Variants in NKAIN1 observed in about 807,000 individuals in gnomAD.
The protein encoded by NKAIN1 is sodium/potassium-transporting ATPase subunit beta-1-interacting protein 1.
Under a neutral mutation model 31.6 loss-of-function variants are expected in NKAIN1, and 13 were observed. That is an observed-to-expected ratio of 0.41 (90% confidence interval 0.27 to 0.65). The LOEUF is 0.65. Among genes scored for constraint, NKAIN1 ranks in the 30% least tolerant of loss-of-function variants. NKAIN1 has a pLI of 0.30. For missense variants in NKAIN1, 193 were observed against 262.2 expected, an observed-to-expected ratio of 0.74 and a Z score of 1.82; for synonymous variants, 104 against 109.0, an observed-to-expected ratio of 0.95 and a Z score of 0.28.
At chr1:31,231,437 G>A (rs1468123743) in intron 1 of NKAIN1, among the ~76,000 whole-genome samples, 1 of 150,750 alleles carries the variant, frequency 6.6e-6, no homozygotes, top group Non-Finnish European at 1.5e-5. Context: ...GCCTCCCAAA[G>A]TGCTGGGATT....
Position 31,233,801 on chromosome 1 carries a change from C to A in NKAIN1, c.54+5693G>T, listed in dbSNP as rs991288757. 4.6e-5 allele frequency among the ~76,000 whole-genome samples: 7 copies of A among 152,166 alleles called. No homozygotes were observed. The highest frequency in any genetic ancestry group is 2.9e-5 in the Non-Finnish European group (2 of 68,038). ...ACTTGGCTATCCCGGCATCAACTTG[C>A]GAATTCCCCAAACTGCCATGGGCTC... is the stretch of plus-strand genomic sequence containing the variant. On this transcript the variant is annotated intron_variant, in intron 1 of 6. Transcript: ENST00000373736. The surrounding 1 kb of genome is among the most constrained non-coding windows in gnomAD (Gnocchi z 4.0).
At chr1:31,224,179 T>G (rs184413598) in intron 1 of NKAIN1, among the ~76,000 whole-genome samples, 13 of 152,292 alleles carry the variant, frequency 8.5e-5, no homozygotes, top group African/African-American at 3.1e-4. Context: ...CATCCCCCCA[T>G]GCCCCAGCAG....
chr1:31,199,752 A>G (rs1645362530), intron 1 of NKAIN1, among the ~76,000 whole-genome samples: 1 of 152,196 alleles, frequency 6.6e-6, no homozygotes, highest in African/African-American at 2.4e-5. Context: ...GACCCTGCCA[A>G]AGAAGATGGG....
rs1645275620 is a variant in NKAIN1, at chr1:31,190,319, G to A, written c.55-2132C>T. Among the ~76,000 whole-genome samples the A allele has an allele frequency of 2.6e-5, 4 of 152,312 alleles. No individual in the cohort carries two copies. In the South Asian group the frequency reaches 8.3e-4, roughly 32 times the overall value. ...GCATTTACCCACTTGGCACCAGCCT[G>A]CCTCTTGTCGGTGACTCCCCTCCCA... On this transcript the variant is annotated intron_variant, in intron 1 of 6. Transcript: ENST00000373736.
At chr1:31,220,891 G>A (rs1313378580) in intron 1 of NKAIN1, among the ~76,000 whole-genome samples, 1 of 152,118 alleles carries the variant, frequency 6.6e-6, no homozygotes, top group South Asian at 2.1e-4. Flanking sequence ...CATTCACTGA[G>A]TTCCTTCTGA....
chr1:31,191,599 C>A (rs1467352424), intron 1 of NKAIN1, among the ~76,000 whole-genome samples: 2 of 151,936 alleles, frequency 1.3e-5, no homozygotes, highest in Non-Finnish European at 2.9e-5. Flanking sequence ...AACTAACAGA[C>A]AATTAGACTT....
intron 1 of NKAIN1, among the ~76,000 whole-genome samples, chr1:31,207,676 G>A (rs1462758333): frequency 6.6e-6 from 1 of 152,054 alleles, no homozygotes; most frequent in Non-Finnish European, 1.5e-5. Flanking sequence ...CCCCTGCCCT[G>A]GCCACGAGCT....
At chr1:31,190,850 G>A (rs1196551576) in intron 1 of NKAIN1, among the ~76,000 whole-genome samples, 1 of 152,130 alleles carries the variant, frequency 6.6e-6, no homozygotes, top group Non-Finnish European at 1.5e-5. Flanking sequence ...CCTGGCCTTG[G>A]GAGCCTTGGT....
Position 31,218,016 on chromosome 1 carries a change from T to TTTTCTTTCTTTCTTTCTTTCTTTC in NKAIN1, c.54+21454_54+21477dup, listed in dbSNP as rs1553163596. On this transcript the variant is annotated intron_variant, in intron 1 of 6. Coordinates refer to ENST00000373736, the MANE Select transcript of NKAIN1 (RefSeq NM_024522.3). Reference sequence around the variant, plus strand: ...TTGGCCATAATCACAGCAGCTACCATTTTCTTTCTTTCTTTCTTTCTTTCT... The same window carrying TTTTCTTTCTTTCTTTCTTTCTTTC: ...TTGGCCATAATCACAGCAGCTACCATTTTCTTTCTTTCTTTCTTTCTTTCTTTCTTTCTTTCTTTCTTTCTTTCT... Among the ~76,000 whole-genome samples, 797 of 108,164 alleles carry TTTTCTTTCTTTCTTTCTTTCTTTC rather than the reference T, an allele frequency of 7.4e-3. 15 individuals are homozygous for TTTTCTTTCTTTCTTTCTTTCTTTC. The highest frequency in any genetic ancestry group is 0.011 in the Non-Finnish European group (598 of 56,040). The allele number at this position is 108,164 out of a possible 152,430, so 71.0% of individuals were successfully genotyped here.
chr1:31,202,466 A>T (rs531633054), intron 1 of NKAIN1, among the ~76,000 whole-genome samples: 34 of 152,000 alleles, frequency 2.2e-4, no homozygotes, highest in African/African-American at 8.2e-4. Context: ...TCACGAGGTC[A>T]GGAGATCGAG....
chr1:31,210,375 G>C (rs1047368712), intron 1 of NKAIN1, among the ~76,000 whole-genome samples: 1 of 149,884 alleles, frequency 6.7e-6, no homozygotes, highest in Non-Finnish European at 1.5e-5. Context: ...TGCAACCTCC[G>C]TCTCCTGGGT....
At chr1:31,207,967 A>C (rs1392317712) in intron 1 of NKAIN1, among the ~76,000 whole-genome samples, 1 of 152,052 alleles carries the variant, frequency 6.6e-6, no homozygotes, top group Non-Finnish European at 1.5e-5. Flanking sequence ...CAGGCTCTAG[A>C]GCCTGTCTGC....
chr1:31,188,264 G>A, intron 1 of NKAIN1, 77 bp from the exon 2 acceptor site: 1 of 1,489,676 alleles, frequency 6.7e-7, no homozygotes. Flanking sequence ...ACCTTGGGGA[G>A]CAGGTGGCAC....
chr1:31,203,635 A>G (rs1645401767), intron 1 of NKAIN1, among the ~76,000 whole-genome samples: 1 of 143,200 alleles, frequency 7.0e-6, no homozygotes, highest in Non-Finnish European at 1.5e-5. Flanking sequence ...CCCAGGCTGG[A>G]GTGCAGTGGC....
In NKAIN1 at chr1:31,188,188, C is replaced by A; in HGVS notation, c.55-1G>T. ...AGATCTGCCGCTCCAGCGCAGCCAC[C>A]TGTGGAAGAGACAGGCTGAGGCCAC... is the stretch of plus-strand genomic sequence containing the variant. On this transcript the variant is annotated splice_acceptor_variant, in intron 1 of 6. Coordinates refer to ENST00000373736, the MANE Select transcript of NKAIN1 (RefSeq NM_024522.3). LOFTEE classifies it high-confidence loss of function. 1 of 1,551,342 alleles carries A rather than the reference C, an allele frequency of 6.4e-7. No homozygotes were observed. The highest frequency in any genetic ancestry group is 8.7e-7 in the Non-Finnish European group (1 of 1,146,730).
chr1:31,186,138 A>ATT (rs1195150831), intron 2 of NKAIN1, among the ~76,000 whole-genome samples: 3 of 151,868 alleles, frequency 2.0e-5, no homozygotes, highest in Non-Finnish European at 2.9e-5. Context: ...CAAGGTGGGC[A>ATT]GATCACCTGA....
intron 1 of NKAIN1, among the ~76,000 whole-genome samples, chr1:31,201,587 T>C (rs1645380579): frequency 6.6e-6 from 1 of 152,078 alleles, no homozygotes; most frequent in Admixed American, 6.5e-5. Flanking sequence ...GGTCTCGATC[T>C]CCTGACCTCG....
intron 1 of NKAIN1, among the ~76,000 whole-genome samples, chr1:31,228,855 C>G (rs920434231): frequency 6.6e-6 from 1 of 152,092 alleles, no homozygotes; most frequent in Non-Finnish European, 1.5e-5. Context: ...CTCAGCCTCC[C>G]AAAGTGCTGG....
chr1:31,232,424 T>TATATATATATATATAGAG lies in NKAIN1; in HGVS notation c.54+7069_54+7070insCTCTATATATATATATAT, dbSNP rs1313157898. 3.5e-4 allele frequency among the ~76,000 whole-genome samples: 6 copies of TATATATATATATATAGAG among 16,922 alleles called. 1 individual carries two copies. Among genetic ancestry groups the TATATATATATATATAGAG allele is most frequent in the Admixed American group, 2.2e-3 (2 of 900 alleles). The allele number at this position is 16,922 out of a possible 152,430, so 11.1% of individuals were successfully genotyped here. A position where few individuals can be genotyped will look rare whatever the true frequency, so the allele number is the denominator to read the frequency against. On this transcript the variant is annotated intron_variant, in intron 1 of 6. Transcript: ENST00000373736. ...ATATATATATATATATATATATATA[T>TATATATATATATATAGAG]AGAGAGAGAGAGAGAGAGAGAGAGA...
Sources: allele counts gnomAD v4.1 joint callset (sites outside exome capture counted in the v4.1 genomes callset), GRCh38; gene constraint gnomAD v4.1.1; non-coding constraint Gnocchi (gnomAD v3.1); transcripts MANE v1.5; gene names NCBI Gene and HGNC (gene_info 2026-07-23, HGNC 2026-07-21).